The following NET1 variants were observed in gnomAD, a reference collection of about 807,000 sequenced individuals.
The protein encoded by NET1 is neuroepithelial cell-transforming gene 1 protein.
In NET1, 42 loss-of-function variants were observed where a neutral mutation model predicts 61.1. The observed-to-expected ratio is 0.69, with a 90% CI of 0.54 to 0.89. The LOEUF (loss-of-function observed/expected upper bound fraction) is 0.89, where lower values mean the gene tolerates loss of function less well. Ranked by LOEUF, NET1 falls within the 40% of genes least tolerant of loss-of-function variation. NET1 has a pLI of 0.00. For missense variants in NET1, 654 were observed against 747.3 expected, an observed-to-expected ratio of 0.88 and a Z score of 1.46; for synonymous variants, 254 against 281.8, an observed-to-expected ratio of 0.90 and a Z score of 0.99.
chr10:5,429,243 C>T lies in NET1; in HGVS notation c.255+14C>T, dbSNP rs377739650. 23 of 1,558,598 alleles carry T rather than the reference C, an allele frequency of 1.5e-5. No individual in the cohort carries two copies. The South Asian group carries it at 2.2e-4, about 15-fold the overall frequency. ...CTTGATCTGAAGGTAAGCCCTGCTG[C>T]CCTGTTAAAGAAAAGCATTTAAAAA... On this transcript the variant is annotated intron_variant, in intron 3 of 11. Coordinates refer to ENST00000355029, the MANE Select transcript of NET1 (RefSeq NM_001047160.3).
chr10:5,456,210 CT>C lies in NET1; in HGVS notation c.1322del (p.Leu441ArgfsTer6), dbSNP rs1388942666. On this transcript the variant is annotated frameshift_variant, in exon 11 of 12. Transcript: ENST00000355029. LOFTEE classifies it high-confidence loss of function. The surrounding 1 kb of genome is among the most constrained non-coding windows in gnomAD (Gnocchi z 7.0). Reference sequence around the variant, plus strand: ...AGTCCAAGAGCTAGTCCTAGAAGACCTGCAGGATGGAGATGTGAGAATGGGA... The same window carrying C: ...AGTCCAAGAGCTAGTCCTAGAAGACCGCAGGATGGAGATGTGAGAATGGGA... ...IPVQELVLEDLQDGDVRMGGS... is the reference protein window; with the variant it reads ...IPVQELVLEDXQDGDVRMGGS... 6.2e-7 allele frequency: 1 copy of C among 1,614,060 alleles called. No homozygotes were observed. Among genetic ancestry groups the C allele is most frequent in the Non-Finnish European group, 8.5e-7 (1 of 1,180,028 alleles).
Position 5,446,431 on chromosome 10 carries a change from A to C in NET1, c.256-5399A>C, listed in dbSNP as rs920107647. On this transcript the variant is annotated intron_variant, in intron 3 of 11. Coordinates refer to ENST00000355029, the MANE Select transcript of NET1 (RefSeq NM_001047160.3). This position sits in a 1 kb window ranked among gnomAD's most constrained non-coding sequence, Gnocchi z 5.0. ...GAATGCATTTTAAATCAGGAAGAGA[A>C]GTTTCTGTCCTACTTGAACCCAGCT... 15 of 268,842 alleles carry C rather than the reference A, an allele frequency of 5.6e-5. No individual in the cohort carries two copies. Among genetic ancestry groups the C allele is most frequent in the African/African-American group, 3.4e-4 (15 of 43,734 alleles). 16.7% of individuals were successfully genotyped at this position (268,842 alleles called of 1,614,324 possible).
intron 1 of NET1, among the ~76,000 whole-genome samples, chr10:5,425,924 T>C (rs770275565): frequency 1.3e-4 from 20 of 152,250 alleles, no homozygotes; most frequent in Non-Finnish European, 2.4e-4. Context: ...GCTATGTTTT[T>C]GTAATTTCTA....
rs912402647 is a variant in NET1 at position 5,431,699 on chromosome 10, A to AT, written c.255+2479dup. On this transcript the variant is annotated intron_variant, in intron 3 of 11. Transcript: ENST00000355029. This position sits in a 1 kb window ranked among gnomAD's most constrained non-coding sequence, Gnocchi z 4.9. Reference sequence around the variant, plus strand: ...TAGCATTCTCTGAAAGTAAGTAATGATTTTTTTTTCTCCTTAGTATTATGA... The same window carrying AT: ...TAGCATTCTCTGAAAGTAAGTAATGATTTTTTTTTTCTCCTTAGTATTATGA... Among the ~76,000 whole-genome samples, 6 of 151,476 alleles carry AT rather than the reference A, an allele frequency of 4.0e-5. No individual in the cohort carries two copies. The highest frequency in any genetic ancestry group is 1.9e-4 in the East Asian group (1 of 5,146).
chr10:5,433,245 AG>A (rs1226035171), intron 3 of NET1, among the ~76,000 whole-genome samples: 1 of 152,038 alleles, frequency 6.6e-6, no homozygotes, highest in African/African-American at 2.4e-5. Context: ...AGTCCTTTCT[AG>A]TTTTTTTGTT....
At chr10:5,450,597 CTTAT>C (rs1315221228) in intron 3 of NET1, among the ~76,000 whole-genome samples, 1 of 151,874 alleles carries the variant, frequency 6.6e-6, no homozygotes, top group East Asian at 1.9e-4. Flanking sequence ...TAAATGATGT[CTTAT>C]TTTTCAGTGA....
At chr10:5,442,164 T>A (rs1832532070) in intron 3 of NET1, among the ~76,000 whole-genome samples, 1 of 152,236 alleles carries the variant, frequency 6.6e-6, no homozygotes, top group East Asian at 1.9e-4. Context: ...TAAGAGATTG[T>A]TTATGTAGTC....
rs1160618737 is a variant in NET1, at chr10:5,456,102, C to G, written c.1213C>G (p.Leu405Val). The G allele has an allele frequency of 6.2e-7, 1 of 1,609,648 alleles. No homozygotes were observed. Among genetic ancestry groups the G allele is most frequent in the East Asian group, 2.2e-5 (1 of 44,818 alleles). The change falls in exon 11 of 12, where the codon CTG (leucine) becomes GTG (valine). Residue 405 changes from leucine to valine, a missense_variant. By Grantham distance (32) the Leu-to-Val change is conservative. Coordinates refer to ENST00000355029, the MANE Select transcript of NET1 (RefSeq NM_001047160.3). The surrounding 1 kb of genome is among the most constrained non-coding windows in gnomAD (Gnocchi z 7.0). ...ATTTCTCCAGAAACTTTACATTTTCCTGTTTCAAGACATCTTGGTTCTGAC... is the reference window on the plus strand; with the variant it reads ...ATTTCTCCAGAAACTTTACATTTTCGTGTTTCAAGACATCTTGGTTCTGAC... ...SKSGHKLYIF[L>V]FQDILVLTRP...
rs777289082 is a variant in NET1 at position 5,454,947 on chromosome 10, G to A, written c.1027-1G>A. On this transcript the variant is annotated splice_acceptor_variant, in intron 9 of 11. Transcript: ENST00000355029. LOFTEE classifies it high-confidence loss of function. This position sits in a 1 kb window ranked among gnomAD's most constrained non-coding sequence, Gnocchi z 8.1. ...CTGTCAATTTTATTTATCATTTTCAGATATTGATAATACAGGGAGTCCTCT... is the reference window on the plus strand; with the variant it reads ...CTGTCAATTTTATTTATCATTTTCAAATATTGATAATACAGGGAGTCCTCT... 4 of 1,613,212 alleles carry A rather than the reference G, an allele frequency of 2.5e-6. No homozygotes were observed. The highest frequency in any genetic ancestry group is 3.4e-6 in the Non-Finnish European group (4 of 1,179,436).
chr10:5,415,708 G>A lies in NET1; in HGVS notation c.128+2888G>A, dbSNP rs1193348625. Among the ~76,000 whole-genome samples the A allele has an allele frequency of 6.6e-6, 1 of 152,026 alleles. No homozygotes were observed. Among genetic ancestry groups the A allele is most frequent in the African/African-American group, 2.4e-5 (1 of 41,410 alleles). On this transcript the variant is annotated intron_variant, in intron 1 of 11. Coordinates refer to ENST00000355029, the MANE Select transcript of NET1 (RefSeq NM_001047160.3). The surrounding 1 kb of genome is among the most constrained non-coding windows in gnomAD (Gnocchi z 4.7). ...CCTGCCTCGGCCTCCCAAAGTGCTGGGATTACAGGCGTGAGCCACCGCACC... is the reference window on the plus strand; with the variant it reads ...CCTGCCTCGGCCTCCCAAAGTGCTGAGATTACAGGCGTGAGCCACCGCACC...
rs1564456694 is a variant in NET1 at position 5,416,110 on chromosome 10, T to G, written c.128+3290T>G. On this transcript the variant is annotated intron_variant, in intron 1 of 11. Transcript: ENST00000355029. The surrounding 1 kb of genome is among the most constrained non-coding windows in gnomAD (Gnocchi z 6.1). ...CGGTCCAACTTAATTCTTTTTCATG[T>G]GTCTATCCAGGTACCCCAGCACCAT... 1.3e-5 allele frequency among the ~76,000 whole-genome samples: 2 copies of G among 152,240 alleles called. No homozygotes were observed. The highest frequency in any genetic ancestry group is 4.1e-4 in the South Asian group (2 of 4,838).
At chr10:5,429,108 T>G in intron 2 of NET1, 62 bp from the exon 3 acceptor site, 1 of 1,137,774 alleles carries the variant, frequency 8.8e-7, no homozygotes, top group Non-Finnish European at 1.3e-6. Context: ...TATAGAGTCT[T>G]TGTTTTGTGA....
At chr10:5,436,520 G>A (rs565169868) in intron 3 of NET1, among the ~76,000 whole-genome samples, 30 of 151,452 alleles carry the variant, frequency 2.0e-4, no homozygotes, top group African/African-American at 6.8e-4. Context: ...ACAGGTGCGA[G>A]CCACTGCGCC....
rs1322646737 is a variant in NET1, at chr10:5,447,747, T to C, written c.256-4083T>C. ...CTGCCGTCTTCAGGAAGTACACTTT[T>C]ATTTGGTGTGGTTTGGCTTTGGTTT... On this transcript the variant is annotated intron_variant, in intron 3 of 11. Transcript: ENST00000355029. This position sits in a 1 kb window ranked among gnomAD's most constrained non-coding sequence, Gnocchi z 4.1. 1.3e-5 allele frequency among the ~76,000 whole-genome samples: 2 copies of C among 152,252 alleles called. No individual in the cohort carries two copies. Among genetic ancestry groups the C allele is most frequent in the African/African-American group, 4.8e-5 (2 of 41,464 alleles).
Position 5,452,422 on chromosome 10 carries a change from C to T in NET1, c.428C>T (p.Thr143Ile). Reference protein sequence around the residue: ...ASAQKFSSRSTVPTPAKRRSS... With the variant: ...ASAQKFSSRSIVPTPAKRRSS... ...GCCCAGAAGTTTTCTAGCAGGTCAA[C>T]AGTCCCAACACCCGCCAAGAGAAGG... The change falls in exon 5 of 12, where the codon ACA becomes ATA. Residue 143 changes from threonine (T) to isoleucine (I), a missense_variant. Transcript: ENST00000355029. The surrounding 1 kb of genome is among the most constrained non-coding windows in gnomAD (Gnocchi z 4.0). 7 of 1,614,098 alleles carry T rather than the reference C, an allele frequency of 4.3e-6. No individual in the cohort carries two copies. The highest frequency in any genetic ancestry group is 5.1e-6 in the Non-Finnish European group (6 of 1,179,972).
At chr10:5,428,058 T>TCTCTA (rs1832287691) in intron 2 of NET1, among the ~76,000 whole-genome samples, 1 of 124,200 alleles carries the variant, frequency 8.1e-6, no homozygotes, top group African/African-American at 2.9e-5. Context: ...TTTTTTTTTT[T>TCTCTA]TTTTTTTTTC....
Position 5,458,395 on chromosome 10 carries a change from A to G in NET1, c.*1401A>G, listed in dbSNP as rs1482029539. 2 of 152,530 alleles carry G rather than the reference A, an allele frequency of 1.3e-5. No individual in the cohort carries two copies. The highest frequency in any genetic ancestry group is 1.3e-4 in the Admixed American group (2 of 15,276). The allele number at this position is 152,530 out of a possible 1,614,324, so 9.4% of individuals were successfully genotyped here. Reference sequence around the variant, plus strand: ...ATGATAATCAGAAAAGACTGTAAATAGATCCATCCAAATGATTTCTCTGTA... The same window carrying G: ...ATGATAATCAGAAAAGACTGTAAATGGATCCATCCAAATGATTTCTCTGTA... On this transcript the variant is annotated 3_prime_UTR_variant, in exon 12 of 12. Coordinates refer to ENST00000355029, the MANE Select transcript of NET1 (RefSeq NM_001047160.3). The surrounding 1 kb of genome is among the most constrained non-coding windows in gnomAD (Gnocchi z 4.5).
At position 5,446,961 on chromosome 10, in the gene NET1, ATCT is replaced by A. The variant is rs534639000; in HGVS notation, c.256-4867_256-4865del. The A allele has an allele frequency of 6.7e-5, 56 of 833,086 alleles. No individual in the cohort carries two copies. The African/African-American group carries it at 9.3e-4, about 14-fold the overall frequency. 51.6% of individuals were successfully genotyped at this position (833,086 alleles called of 1,614,324 possible). A position where few individuals can be genotyped will look rare whatever the true frequency, so the allele number is the denominator to read the frequency against. ...TTAACAGTATAATTTTAAACTTTTG[ATCT>A]TATTATTACAATGTATGTTCTTGAT... On this transcript the variant is annotated intron_variant, in intron 3 of 11. Transcript: ENST00000355029. This position sits in a 1 kb window ranked among gnomAD's most constrained non-coding sequence, Gnocchi z 5.0.
intron 3 of NET1, among the ~76,000 whole-genome samples, chr10:5,450,308 GATACATATGT>G (rs1385551046): frequency 1.3e-5 from 2 of 151,970 alleles, no homozygotes; most frequent in Non-Finnish European, 2.9e-5. Context: ...ATTCCTTTCT[GATACATATGT>G]ATACATTTAG....
Sources: gnomAD v4.1 joint callset for allele counts (sites outside exome capture counted in the v4.1 genomes callset) on GRCh38, gnomAD v4.1.1 for gene constraint, Gnocchi (gnomAD v3.1) non-coding constraint, MANE v1.5 for transcripts, NCBI Gene and HGNC (gene_info 2026-07-23, HGNC 2026-07-21) for gene names.